Variants in HDAC9 observed in about 807,000 individuals in gnomAD.
HDAC9 encodes MEF-2 interacting transcription repressor (MITR) protein.
HDAC9 carries 41 observed loss-of-function variants against 139.4 expected under a neutral mutation model. The observed-to-expected ratio is 0.29, with a 90% confidence interval of 0.23 to 0.38. The LOEUF (loss-of-function observed/expected upper bound fraction) is 0.38. Ranked by LOEUF, HDAC9 falls within the 10% of genes least tolerant of loss-of-function variation. HDAC9 has a pLI of 1.00. For missense variants in HDAC9, 1,147 were observed against 1,297.0 expected (o/e 0.88, Z 1.78); for synonymous variants, 517 against 476.2 (o/e 1.09, Z -1.12).
chr7:18,728,897 A>G lies in HDAC9; in HGVS notation c.1909+1140A>G, dbSNP rs966949415. Among the ~76,000 whole-genome samples, 15 of 152,276 alleles carry G rather than the reference A, an allele frequency of 9.9e-5. No individual in the cohort carries two copies. The East Asian group carries it at 2.5e-3, about 25-fold the overall frequency. Reference sequence around the variant, plus strand: ...TTATAATGTTTTATGCCATAAGAAAACATTCCATACTAGGAGCTATGAGCT... The same window carrying G: ...TTATAATGTTTTATGCCATAAGAAAGCATTCCATACTAGGAGCTATGAGCT... On this transcript the variant is annotated intron_variant, in intron 13 of 25. Transcript: ENST00000686413.
At chr7:18,242,669 A>T (rs1347364152) in intron 2 of HDAC9, among the ~76,000 whole-genome samples, 1 of 152,122 alleles carries the variant, frequency 6.6e-6, no homozygotes, top group East Asian at 1.9e-4. Context: ...ATTCTACTTA[A>T]ATTGTGTGCT....
intron 2 of HDAC9, among the ~76,000 whole-genome samples, chr7:18,535,172 C>A (rs1810458650): frequency 6.6e-6 from 1 of 152,018 alleles, no homozygotes; most frequent in South Asian, 2.1e-4. Flanking sequence ...TCATCTCTTC[C>A]CTCTTCTTTT....
intron 2 of HDAC9, among the ~76,000 whole-genome samples, chr7:18,164,103 G>A (rs967083620): frequency 1.3e-5 from 2 of 152,174 alleles, no homozygotes; most frequent in African/African-American, 4.8e-5. Flanking sequence ...TCATTCTGCT[G>A]TGTTGACAAT....
chr7:18,129,494 C>T (rs1784875912), intron 1 of HDAC9, among the ~76,000 whole-genome samples: 1 of 152,120 alleles, frequency 6.6e-6, no homozygotes, highest in Non-Finnish European at 1.5e-5. Context: ...AAGGCATGTA[C>T]ACATAAATTT....
At chr7:18,667,239 C>G in intron 12 of HDAC9, 1 of 985,148 alleles carries the variant, frequency 1.0e-6, no homozygotes, top group Non-Finnish European at 1.2e-6. Flanking sequence ...GAAGCAGATG[C>G]AAATGTTAGT....
At chr7:18,677,235 A>T (rs1460377524) in intron 12 of HDAC9, among the ~76,000 whole-genome samples, 2 of 151,948 alleles carry the variant, frequency 1.3e-5, no homozygotes, top group African/African-American at 4.8e-5. Flanking sequence ...AATCATATAA[A>T]AAAGAGTTTG....
chr7:18,890,788 T>G (rs905298594), intron 22 of HDAC9, among the ~76,000 whole-genome samples: 1 of 152,204 alleles, frequency 6.6e-6, no homozygotes, highest in Non-Finnish European at 1.5e-5. Context: ...GGCTGTAACA[T>G]AGAAACTTAT....
intron 12 of HDAC9, among the ~76,000 whole-genome samples, chr7:18,682,822 A>G (rs1034468414): frequency 1.4e-4 from 21 of 151,930 alleles, no homozygotes; most frequent in Non-Finnish European, 2.8e-4. Flanking sequence ...GTCTAATAAA[A>G]ATACAAAAAT....
intron 16 of HDAC9, chr7:18,793,119 A>C (rs1792475040): frequency 1.9e-6 from 1 of 520,008 alleles, no homozygotes; most frequent in Admixed American, 3.2e-5. Context: ...GTCAGTGTAG[A>C]GAAAAAGTAT....
chr7:18,152,425 T>G (rs1786849444), intron 1 of HDAC9, among the ~76,000 whole-genome samples: 1 of 152,204 alleles, frequency 6.6e-6, no homozygotes. Flanking sequence ...ATGTTTGTTA[T>G]TTTGTTTCTT....
chr7:18,723,802 A>G (rs923507804), intron 12 of HDAC9, among the ~76,000 whole-genome samples: 18 of 152,020 alleles, frequency 1.2e-4, no homozygotes, highest in African/African-American at 4.1e-4. Flanking sequence ...ATATTTAGTA[A>G]CCCCAGTCAT....
chr7:18,707,684 A>C (rs1784033470), intron 12 of HDAC9, among the ~76,000 whole-genome samples: 2 of 152,184 alleles, frequency 1.3e-5, no homozygotes, highest in African/African-American at 4.8e-5. Context: ...TGCATGGTGG[A>C]TATGGGCAAT....
At chr7:18,278,764 T>G in intron 2 of HDAC9, among the ~76,000 whole-genome samples, 1 of 152,212 alleles carries the variant, frequency 6.6e-6, no homozygotes, top group Admixed American at 6.5e-5. Flanking sequence ...TTTATGCATA[T>G]GAAGGGAGAC....
intron 1 of HDAC9, among the ~76,000 whole-genome samples, chr7:18,145,158 A>G (rs1036437369): frequency 1.1e-4 from 17 of 152,350 alleles, no homozygotes; most frequent in Admixed American, 3.3e-4. Flanking sequence ...TGGACAGTCA[A>G]CAATTGATAT....
At chr7:18,576,234 G>A (rs1325795436) in intron 2 of HDAC9, among the ~76,000 whole-genome samples, 1 of 152,104 alleles carries the variant, frequency 6.6e-6, no homozygotes, top group African/African-American at 2.4e-5. Flanking sequence ...TACAGAGAAA[G>A]CACACTATGG....
intron 1 of HDAC9, among the ~76,000 whole-genome samples, chr7:18,478,584 A>G (rs932604222): frequency 1.3e-5 from 2 of 152,240 alleles, no homozygotes; most frequent in African/African-American, 4.8e-5. Flanking sequence ...TTTAAATTAA[A>G]TAGAAAAGAA....
chr7:18,323,617 C>G (rs78668324), intron 1 of HDAC9, among the ~76,000 whole-genome samples: 3,306 of 152,212 alleles, frequency 0.022, 120 homozygotes, highest in African/African-American at 0.075. Flanking sequence ...TTAAAAGCTC[C>G]CATGTCCTAA....
chr7:18,413,190 T>A (rs1327202162), intron 1 of HDAC9, among the ~76,000 whole-genome samples: 6 of 152,178 alleles, frequency 3.9e-5, no homozygotes. Flanking sequence ...GATATTTTTG[T>A]TATGAATTGG....
intron 2 of HDAC9, among the ~76,000 whole-genome samples, chr7:18,187,298 T>C (rs1239134664): frequency 6.6e-6 from 1 of 152,206 alleles, no homozygotes; most frequent in East Asian, 1.9e-4. Flanking sequence ...TAAATGAGGA[T>C]ACTGAGGGTC....
Sources: allele counts gnomAD v4.1 joint callset (sites outside exome capture counted in the v4.1 genomes callset), GRCh38; gene constraint gnomAD v4.1.1; transcripts MANE v1.5; gene names NCBI Gene and HGNC (gene_info 2026-07-23, HGNC 2026-07-21).